NCS1: variants seen among roughly 807,000 people sequenced by gnomAD.
NCS1 encodes neuronal calcium sensor 1, also known as frequenin homolog.
Under a neutral mutation model 28.4 loss-of-function variants are expected in NCS1, and 6 were observed. The ratio of observed to expected loss-of-function variants is 0.21; its 90% confidence interval spans 0.12 to 0.42. The LOEUF is 0.42. Ranked by LOEUF, NCS1 falls within the 10% of genes least tolerant of loss-of-function variation. The pLI, the probability that NCS1 is intolerant of heterozygous loss-of-function variation, is 1.00. For missense variants in NCS1, 131 were observed against 241.4 expected, an observed-to-expected ratio of 0.54 and a Z score of 3.03; for synonymous variants, 86 against 99.3, an observed-to-expected ratio of 0.87 and a Z score of 0.79.
At chr9:130,221,683 C>G (rs953400086) in intron 4 of NCS1, among the ~76,000 whole-genome samples, 1 of 142,758 alleles carries the variant, frequency 7.0e-6, no homozygotes, top group Non-Finnish European at 1.5e-5. Context: ...CTGCCCGCCT[C>G]GGCCTCCCAA....
chr9:130,200,663 T>C, intron 1 of NCS1: 3 of 1,551,762 alleles, frequency 1.9e-6, no homozygotes, highest in South Asian at 1.2e-5. Flanking sequence ...AAGCAAACCC[T>C]TGAGTGCCAC....
chr9:130,178,941 C>CT lies in NCS1; in HGVS notation c.64+6225dup, dbSNP rs559251146. Reference sequence around the variant, plus strand: ...CTCCCCTTCCCTCCCCTTCCCTCCTCTTTTTTTTTTTGAAACAGAGTCTTA... The same window carrying CT: ...CTCCCCTTCCCTCCCCTTCCCTCCTCTTTTTTTTTTTTGAAACAGAGTCTTA... On this transcript the variant is annotated intron_variant, in intron 1 of 7. Transcript: ENST00000372398. Among the ~76,000 whole-genome samples the CT allele has an allele frequency of 3.0e-3, 278 of 93,768 alleles. 7 individuals carry two copies. Among genetic ancestry groups the CT allele is most frequent in the African/African-American group, 0.011 (266 of 23,344 alleles). 61.5% of individuals were successfully genotyped at this position (93,768 alleles called of 152,430 possible). A position where few individuals can be genotyped will look rare whatever the true frequency, so the allele number is the denominator to read the frequency against.
chr9:130,183,270 A>G (rs1405021751), intron 1 of NCS1, among the ~76,000 whole-genome samples: 1 of 151,754 alleles, frequency 6.6e-6, no homozygotes, highest in African/African-American at 2.4e-5. Context: ...ATGCGATGTC[A>G]CCATTTCTCA....
intron 1 of NCS1, among the ~76,000 whole-genome samples, chr9:130,188,919 GT>G (rs1832777123): frequency 6.6e-6 from 1 of 151,988 alleles, no homozygotes. Flanking sequence ...GTTTTGCCAT[GT>G]TGGCCAGGCT....
intron 6 of NCS1, among the ~76,000 whole-genome samples, chr9:130,223,771 A>G (rs1000091266): frequency 2.6e-5 from 4 of 152,106 alleles, no homozygotes; most frequent in Admixed American, 6.5e-5. Context: ...AGGTTAGTAA[A>G]AAAAGGCTGA....
rs35934993 is a variant in NCS1 at position 130,176,194 on chromosome 9, C to CT, written c.64+3482dup. ...TCTTTCTTTCTTTCTTTCTTTCTTT[C>CT]TTTTTTTTTTTTTTTGGAGACAGGG... On this transcript the variant is annotated intron_variant, in intron 1 of 7. Coordinates refer to ENST00000372398, the MANE Select transcript of NCS1 (RefSeq NM_014286.4). Among the ~76,000 whole-genome samples the CT allele has an allele frequency of 6.2e-3, 309 of 50,142 alleles. 11 individuals carry two copies. The highest frequency in any genetic ancestry group is 9.3e-3 in the Admixed American group (40 of 4,322). The allele number at this position is 50,142 out of a possible 152,430, so 32.9% of individuals were successfully genotyped here.
chr9:130,174,813 G>T (rs1182090295), intron 1 of NCS1, among the ~76,000 whole-genome samples: 13 of 95,308 alleles, frequency 1.4e-4, no homozygotes, highest in African/African-American at 6.2e-4. Context: ...AAAAAGCTCT[G>T]CTGGGTGTCT....
At chr9:130,218,324 G>A (rs1186991945) in intron 3 of NCS1, among the ~76,000 whole-genome samples, 3 of 152,196 alleles carry the variant, frequency 2.0e-5, no homozygotes, top group African/African-American at 7.2e-5. Context: ...AGCCACACAC[G>A]TGAACATACA....
intron 5 of NCS1, 122 bp downstream of exon 5, chr9:130,222,860 C>A: frequency 9.4e-7 from 1 of 1,060,810 alleles, no homozygotes. Context: ...GGGTCACTGG[C>A]TGAGCCGTTC....
rs1833552019 is a variant in NCS1 at position 130,234,576 on chromosome 9, T to C, written c.*1604T>C. Reference sequence around the variant, plus strand: ...GGCCCTTTTCCATGCCGACATCATGTCACTCTAGGCCTGGGGTTCAGTTTC... The same window carrying C: ...GGCCCTTTTCCATGCCGACATCATGCCACTCTAGGCCTGGGGTTCAGTTTC... On this transcript the variant is annotated 3_prime_UTR_variant, in exon 8 of 8. Transcript: ENST00000372398. This position sits in a 1 kb window ranked among gnomAD's most constrained non-coding sequence, Gnocchi z 6.1. 6.6e-6 allele frequency: 1 copy of C among 152,360 alleles called. No individual in the cohort carries two copies. Among genetic ancestry groups the C allele is most frequent in the Non-Finnish European group, 1.5e-5 (1 of 68,148 alleles). The allele number at this position is 152,360 out of a possible 1,614,324, so 9.4% of individuals were successfully genotyped here.
At chr9:130,201,931 C>G (rs1367689617) in intron 2 of NCS1, among the ~76,000 whole-genome samples, 1 of 152,226 alleles carries the variant, frequency 6.6e-6, no homozygotes, top group Non-Finnish European at 1.5e-5. Flanking sequence ...TCCTGGAATG[C>G]CCGCCTTCCT....
At chr9:130,176,138 T>TTTTCTTTTTC (rs1832560989) in intron 1 of NCS1, among the ~76,000 whole-genome samples, 1 of 102,218 alleles carries the variant, frequency 9.8e-6, no homozygotes, top group Non-Finnish European at 1.9e-5. Flanking sequence ...TATTTGTTCA[T>TTTTCTTTTTC]TTTCTTTCTT....
intron 3 of NCS1, among the ~76,000 whole-genome samples, chr9:130,218,964 A>G (rs916031009): frequency 6.6e-5 from 10 of 152,190 alleles, no homozygotes; most frequent in African/African-American, 2.4e-4. Context: ...TTTGTAGGTC[A>G]GGAAACTGAG....
intron 1 of NCS1, chr9:130,200,446 G>C: frequency 1.2e-6 from 1 of 829,456 alleles, no homozygotes; most frequent in South Asian, 1.6e-5. Context: ...ACAGAGAGGG[G>C]CTGCAGGGAC....
chr9:130,214,515 A>T (rs1371574847), intron 2 of NCS1, among the ~76,000 whole-genome samples: 1 of 152,206 alleles, frequency 6.6e-6, no homozygotes, highest in Non-Finnish European at 1.5e-5. Flanking sequence ...ATTCCTGCTG[A>T]ACTGACTGGG....
At position 130,226,076 on chromosome 9, in the gene NCS1, G is replaced by A. The variant is rs1236052186; in HGVS notation, c.475-313G>A. ...GATGGGGTTTAATAGCATTAACCATGACACGTGTGGAGTTACAGGGCACTT... is the reference window on the plus strand; with the variant it reads ...GATGGGGTTTAATAGCATTAACCATAACACGTGTGGAGTTACAGGGCACTT... On this transcript the variant is annotated intron_variant, in intron 6 of 7. Coordinates refer to ENST00000372398, the MANE Select transcript of NCS1 (RefSeq NM_014286.4). This position sits in a 1 kb window ranked among gnomAD's most constrained non-coding sequence, Gnocchi z 4.8. Among the ~76,000 whole-genome samples the A allele has an allele frequency of 6.6e-6, 1 of 152,204 alleles. No individual in the cohort carries two copies.
chr9:130,183,302 C>T (rs1158180714), intron 1 of NCS1, among the ~76,000 whole-genome samples: 11 of 135,294 alleles, frequency 8.1e-5, no homozygotes, highest in African/African-American at 1.1e-4. Context: ...CCTGACCATG[C>T]GGCTGGGGGG....
rs138145459 is a variant in NCS1, at chr9:130,226,854, G to A, written c.*17+350G>A. On this transcript the variant is annotated intron_variant, in intron 7 of 7. Coordinates refer to ENST00000372398, the MANE Select transcript of NCS1 (RefSeq NM_014286.4). This position sits in a 1 kb window ranked among gnomAD's most constrained non-coding sequence, Gnocchi z 4.8. ...AGCCTGACCAACATGGTGAAACCCC[G>A]TCTCTACTAAAAATACAAAAATCAG... is the stretch of plus-strand genomic sequence containing the variant. 5.0e-3 allele frequency among the ~76,000 whole-genome samples: 763 copies of A among 151,932 alleles called. 8 individuals are homozygous for A. Among genetic ancestry groups the A allele is most frequent in the East Asian group, 0.038 (195 of 5,152 alleles).
At chr9:130,174,441 G>T (rs1330146564) in intron 1 of NCS1, among the ~76,000 whole-genome samples, 1 of 152,182 alleles carries the variant, frequency 6.6e-6, no homozygotes, top group African/African-American at 2.4e-5. Flanking sequence ...GGGCAAAGTG[G>T]CATTCCCATG....
Sources: allele counts gnomAD v4.1 joint callset (sites outside exome capture counted in the v4.1 genomes callset), GRCh38; gene constraint gnomAD v4.1.1; non-coding constraint Gnocchi (gnomAD v3.1); transcripts MANE v1.5; gene names NCBI Gene and HGNC (gene_info 2026-07-23, HGNC 2026-07-21).